The following SV2C variants were observed in gnomAD, a reference collection of about 807,000 sequenced individuals.
The protein encoded by SV2C is synaptic vesicle glycoprotein 2C, also known as solute carrier family 22 member B3.
SV2C carries 49 observed loss-of-function variants against 79.7 expected under a neutral mutation model. The ratio of observed to expected loss-of-function variants is 0.61; its 90% confidence interval spans 0.49 to 0.78. The LOEUF is 0.78. Ranked by LOEUF, SV2C falls within the 30% of genes least tolerant of loss-of-function variation. The probability of loss-of-function intolerance (pLI) is 0.00; values close to 1 mark genes in which losing one functional copy is unlikely to be tolerated. For missense variants in SV2C, 833 were observed against 912.9 expected, an observed-to-expected ratio of 0.91 and a Z score of 1.13; for synonymous variants, 334 against 333.2, an observed-to-expected ratio of 1.00 and a Z score of -0.03.
chr5:76,009,015 A>C, the SV2C span, among the ~76,000 whole-genome samples: 1 of 152,080 alleles, frequency 6.6e-6, no homozygotes, highest in South Asian at 2.1e-4. Flanking sequence ...AGCTGCTTCT[A>C]GTCTTTACTC....
At chr5:76,189,247 C>G (rs1042570443) in intron 2 of SV2C, among the ~76,000 whole-genome samples, 1 of 151,894 alleles carries the variant, frequency 6.6e-6, no homozygotes, top group Non-Finnish European at 1.5e-5. Flanking sequence ...AGAGACGGAG[C>G]TTACACTGAT....
chr5:76,297,512 G>C (rs1410566112), intron 9 of SV2C, among the ~76,000 whole-genome samples: 1 of 152,104 alleles, frequency 6.6e-6, no homozygotes, highest in Non-Finnish European at 1.5e-5. Flanking sequence ...AAATAAAACT[G>C]ATTCATTCCC....
intron 4 of SV2C, among the ~76,000 whole-genome samples, chr5:76,259,183 T>C (rs1265486366): frequency 6.6e-6 from 1 of 152,228 alleles, no homozygotes; most frequent in African/African-American, 2.4e-5. Context: ...CTGCTTATGT[T>C]TTCATTTCTC....
the SV2C span, among the ~76,000 whole-genome samples, chr5:75,991,361 A>T: frequency 6.6e-6 from 1 of 151,426 alleles, no homozygotes; most frequent in Non-Finnish European, 1.5e-5. Context: ...TCTATCAGTC[A>T]TATACACAGC....
At chr5:75,943,654 C>T in the SV2C span, among the ~76,000 whole-genome samples, 1 of 152,094 alleles carries the variant, frequency 6.6e-6, no homozygotes, top group East Asian at 1.9e-4. Context: ...AGATGGTTGA[C>T]CTTGAACAAA....
At chr5:76,317,881 T>C (rs1398245462) in intron 12 of SV2C, among the ~76,000 whole-genome samples, 1 of 151,956 alleles carries the variant, frequency 6.6e-6, no homozygotes, top group African/African-American at 2.4e-5. Flanking sequence ...GTTGGTGGGG[T>C]AGATATTCAG....
At chr5:75,851,727 C>G in the SV2C span, among the ~76,000 whole-genome samples, 98 of 152,234 alleles carry the variant, frequency 6.4e-4, 2 homozygotes, top group South Asian at 8.1e-3. Context: ...TGCAAGCTCC[C>G]CCTCCCGGGT....
At chr5:76,150,439 A>C (rs1219272672) in intron 2 of SV2C, among the ~76,000 whole-genome samples, 1 of 150,980 alleles carries the variant, frequency 6.6e-6, no homozygotes, top group Non-Finnish European at 1.5e-5. Flanking sequence ...GCCTCCCAAA[A>C]TGCTGGGATT....
intron 12 of SV2C, among the ~76,000 whole-genome samples, chr5:76,319,670 G>A (rs1046613158): frequency 1.3e-5 from 2 of 152,078 alleles, no homozygotes; most frequent in Non-Finnish European, 2.9e-5. Context: ...TGCTCCTAAC[G>A]CATCTGCCTT....
intron 1 of SV2C, among the ~76,000 whole-genome samples, chr5:76,111,711 A>G (rs186030485): frequency 6.6e-6 from 1 of 152,302 alleles, no homozygotes; most frequent in Admixed American, 6.5e-5. Context: ...CTTTCTCAGT[A>G]TTATACTGAG....
the SV2C span, among the ~76,000 whole-genome samples, chr5:76,063,133 C>T: frequency 2.6e-5 from 4 of 152,120 alleles, no homozygotes; most frequent in Admixed American, 6.6e-5. Flanking sequence ...AATCTTTACC[C>T]AGTCAGAAGG....
Position 76,327,298 on chromosome 5 carries a change from T to TG in SV2C, c.*1756dup, listed in dbSNP as rs1749042555. ...GGGCAGTGGGAAGAGGGTGGTTCCC[T>TG]GGGGGTCTGTGATCAGGGCTAGAAC... On this transcript the variant is annotated 3_prime_UTR_variant, in exon 13 of 13. Transcript: ENST00000502798. 6.6e-6 allele frequency: 1 copy of TG among 152,080 alleles called. No individual in the cohort carries two copies. The highest frequency in any genetic ancestry group is 1.5e-5 in the Non-Finnish European group (1 of 68,052). 9.4% of individuals were successfully genotyped at this position (152,080 alleles called of 1,614,324 possible).
chr5:75,942,913 C>T, the SV2C span, among the ~76,000 whole-genome samples: 1 of 152,146 alleles, frequency 6.6e-6, no homozygotes, highest in East Asian at 1.9e-4. Context: ...GTCTGTAATC[C>T]CAACTACTAG....
the SV2C span, among the ~76,000 whole-genome samples, chr5:76,046,106 C>T: frequency 1.3e-5 from 2 of 152,066 alleles, no homozygotes; most frequent in East Asian, 1.9e-4. Context: ...GAAGGTGACA[C>T]AAAAAATTAG....
chr5:75,943,760 G>C, the SV2C span, among the ~76,000 whole-genome samples: 235 of 152,224 alleles, frequency 1.5e-3, no homozygotes, highest in Non-Finnish European at 1.9e-3. Flanking sequence ...CATGCTCAGG[G>C]CCTCCTTTTC....
At chr5:75,898,589 A>T in the SV2C span, among the ~76,000 whole-genome samples, 1 of 152,164 alleles carries the variant, frequency 6.6e-6, no homozygotes, top group Non-Finnish European at 1.5e-5. Flanking sequence ...TCATAAAATG[A>T]GTTAGGGAGG....
At chr5:76,308,309 C>G (rs867468186) in intron 12 of SV2C, among the ~76,000 whole-genome samples, 1 of 152,144 alleles carries the variant, frequency 6.6e-6, no homozygotes, top group Non-Finnish European at 1.5e-5. Flanking sequence ...ACACTCCCTT[C>G]CTGATCATGG....
At chr5:75,890,151 A>G in the SV2C span, among the ~76,000 whole-genome samples, 1 of 152,144 alleles carries the variant, frequency 6.6e-6, no homozygotes, top group Non-Finnish European at 1.5e-5. Context: ...AATGAATGCT[A>G]AAATTACCCA....
At chr5:75,916,509 C>A in the SV2C span, among the ~76,000 whole-genome samples, 1 of 151,894 alleles carries the variant, frequency 6.6e-6, no homozygotes, top group Non-Finnish European at 1.5e-5. Context: ...CAGTCTCACT[C>A]TGTTGCTCAG....
Sources: allele counts gnomAD v4.1 joint callset (sites outside exome capture counted in the v4.1 genomes callset), GRCh38; gene constraint gnomAD v4.1.1; transcripts MANE v1.5; gene names NCBI Gene and HGNC (gene_info 2026-07-23, HGNC 2026-07-21).